TCP11L2: variants seen among roughly 807,000 people sequenced by gnomAD.
TCP11L2 encodes T-complex protein 11-like protein 2.
A neutral mutation model predicts 50.7 loss-of-function variants in TCP11L2; 39 were observed. That is an observed-to-expected ratio of 0.77 (90% confidence interval 0.60 to 1.01). The LOEUF (loss-of-function observed/expected upper bound fraction) is 1.01. Among genes scored for constraint, TCP11L2 ranks in the 50% least tolerant of loss-of-function variants. The probability of loss-of-function intolerance (pLI) is 0.00; values close to 1 mark genes in which losing one functional copy is unlikely to be tolerated. For missense variants in TCP11L2, 612 were observed against 614.7 expected, an observed-to-expected ratio of 1.00 and a Z score of 0.05; for synonymous variants, 192 against 219.3, an observed-to-expected ratio of 0.88 and a Z score of 1.10.
chr12:106,329,500 G>C, intron 6 of TCP11L2: 1 of 1,494,988 alleles, frequency 6.7e-7, no homozygotes, highest in Non-Finnish European at 8.9e-7. Flanking sequence ...TCTCAAGTCT[G>C]ACTACAAATT....
chr12:106,342,711 C>G (rs1319255350), intron 9 of TCP11L2, among the ~76,000 whole-genome samples: 1 of 152,186 alleles, frequency 6.6e-6, no homozygotes, highest in African/African-American at 2.4e-5. Flanking sequence ...AAATAACTTT[C>G]ACTCAAAGTC....
At chr12:106,338,339 GC>G (rs1378220479) in intron 8 of TCP11L2, among the ~76,000 whole-genome samples, 1 of 152,092 alleles carries the variant, frequency 6.6e-6, no homozygotes, top group African/African-American at 2.4e-5. Context: ...AAGTGTAGGA[GC>G]CAGTATCTGT....
chr12:106,314,270 G>A, intron 2 of TCP11L2, 88 bp from the exon 3 acceptor site: 1 of 1,392,394 alleles, frequency 7.2e-7, no homozygotes, highest in Non-Finnish European at 9.9e-7. Flanking sequence ...TATACATTCT[G>A]ATAAATTAAA....
intron 8 of TCP11L2, among the ~76,000 whole-genome samples, chr12:106,339,952 T>C (rs1224566467): frequency 2.0e-5 from 3 of 152,228 alleles, no homozygotes; most frequent in African/African-American, 7.2e-5. Context: ...TCCATGTGCC[T>C]GATAATCTGC....
upstream of TCP11L2, among the ~76,000 whole-genome samples, chr12:106,301,012 T>C (rs759253487): frequency 1.2e-4 from 18 of 152,204 alleles, no homozygotes; most frequent in Non-Finnish European, 2.1e-4. Flanking sequence ...GTCACAGAAT[T>C]ACCAGAAGTT....
intron 8 of TCP11L2, 75 bp from the exon 9 acceptor site, chr12:106,340,748 AAAC>A (rs2136825567): frequency 7.8e-7 from 1 of 1,285,558 alleles, no homozygotes; most frequent in East Asian, 2.4e-5. Flanking sequence ...TAGACATCTA[AAAC>A]AAGTCTGTAT....
At chr12:106,326,622 CT>C (rs965287830) in intron 6 of TCP11L2, among the ~76,000 whole-genome samples, 11 of 152,274 alleles carry the variant, frequency 7.2e-5, no homozygotes, top group African/African-American at 2.6e-4. Flanking sequence ...TTATCACCCC[CT>C]AATACAACTG....
upstream of TCP11L2, among the ~76,000 whole-genome samples, chr12:106,297,973 G>A (rs2034374175): frequency 6.6e-6 from 1 of 152,206 alleles, no homozygotes. Context: ...TGGTGCCCAG[G>A]TAAGAGGAAG....
intron 8 of TCP11L2, among the ~76,000 whole-genome samples, chr12:106,338,739 A>G (rs1458508773): frequency 1.3e-5 from 2 of 152,236 alleles, no homozygotes; most frequent in African/African-American, 4.8e-5. Context: ...GAAATCTCCA[A>G]ACTGCTTTCC....
At chr12:106,322,873 G>A (rs1372560930) in intron 5 of TCP11L2, among the ~76,000 whole-genome samples, 6 of 152,138 alleles carry the variant, frequency 3.9e-5, no homozygotes, top group Admixed American at 1.3e-4. Context: ...TCTAGTTGTC[G>A]TATTACCCTA....
intron 3 of TCP11L2, among the ~76,000 whole-genome samples, chr12:106,315,721 C>T (rs1378203732): frequency 1.3e-5 from 2 of 152,192 alleles, no homozygotes; most frequent in Non-Finnish European, 2.9e-5. Flanking sequence ...GCCCTCCGAC[C>T]TCTAGTTGGA....
At chr12:106,313,589 A>ATAAG (rs1555201355) in intron 2 of TCP11L2, among the ~76,000 whole-genome samples, 1 of 149,134 alleles carries the variant, frequency 6.7e-6, no homozygotes, top group East Asian at 1.9e-4. Context: ...AAAAAAATAA[A>ATAAG]TAAATAAATA....
intron 2 of TCP11L2, among the ~76,000 whole-genome samples, 169 bp from the exon 3 acceptor site, chr12:106,314,189 G>C (rs2034975103): frequency 6.6e-6 from 1 of 152,234 alleles, no homozygotes; most frequent in Non-Finnish European, 1.5e-5. Context: ...TTAAATTTTT[G>C]AAGCCTTTAT....
intron 5 of TCP11L2, among the ~76,000 whole-genome samples, chr12:106,322,771 A>G (rs2035387771): frequency 6.6e-6 from 1 of 152,214 alleles, no homozygotes; most frequent in African/African-American, 2.4e-5. Flanking sequence ...TAGACTCTCA[A>G]AGTGACACTC....
At chr12:106,317,906 T>C (rs1181683228) in intron 3 of TCP11L2, among the ~76,000 whole-genome samples, 1 of 152,254 alleles carries the variant, frequency 6.6e-6, no homozygotes, top group African/African-American at 2.4e-5. Flanking sequence ...AAGTCTGAAG[T>C]TGGCAGGCAT....
intron 2 of TCP11L2, chr12:106,312,434 G>T (rs2034897906): frequency 8.3e-7 from 1 of 1,205,918 alleles, no homozygotes; most frequent in Non-Finnish European, 1.0e-6. Context: ...AGCCACCCCA[G>T]GTTTCTGTGC....
intron 6 of TCP11L2, among the ~76,000 whole-genome samples, chr12:106,327,040 G>C (rs544268368): frequency 9.8e-4 from 149 of 152,304 alleles, no homozygotes; most frequent in Admixed American, 1.8e-3. Context: ...TTGTGTACCT[G>C]TGTATGTAAG....
At chr12:106,299,854 AC>A (rs1951076490), upstream of TCP11L2, among the ~76,000 whole-genome samples, 6 of 152,222 alleles carry the variant, frequency 3.9e-5, no homozygotes, top group Admixed American at 3.9e-4. Context: ...TGCAAATCCA[AC>A]TGTAATTACA....
intron 1 of TCP11L2, among the ~76,000 whole-genome samples, chr12:106,309,947 G>A (rs1259869163): frequency 1.3e-5 from 2 of 152,122 alleles, no homozygotes; most frequent in Non-Finnish European, 2.9e-5. Flanking sequence ...GGTTTAAAAG[G>A]ATTCAGTGAA....
Sources: allele counts gnomAD v4.1 joint callset (sites outside exome capture counted in the v4.1 genomes callset), GRCh38; gene constraint gnomAD v4.1.1; transcripts MANE v1.5; gene names NCBI Gene and HGNC (gene_info 2026-07-23, HGNC 2026-07-21).